GMPR: variants seen among roughly 807,000 people sequenced by gnomAD.
The protein encoded by GMPR is GMP reductase 1.
A neutral mutation model predicts 38.4 loss-of-function variants in GMPR; 31 were observed. The observed-to-expected ratio is 0.81, with a 90% CI of 0.61 to 1.09. GMPR has a LOEUF of 1.09. GMPR is among the 50% of genes least tolerant of loss of function. The pLI, the probability that GMPR is intolerant of heterozygous loss-of-function variation, is 0.00. For synonymous variants in GMPR, 162 were observed against 173.3 expected (o/e 0.93, Z 0.51); for missense variants, 468 against 453.7 (o/e 1.03, Z -0.29).
At chr6:16,263,630 G>C (rs187540944) in intron 4 of GMPR, among the ~76,000 whole-genome samples, 6 of 151,450 alleles carry the variant, frequency 4.0e-5, no homozygotes, top group Admixed American at 1.3e-4. Context: ...ATAAGAGGTC[G>C]GGGCACGGAA....
At chr6:16,239,524 G>A (rs1201471482) in intron 1 of GMPR, among the ~76,000 whole-genome samples, 1 of 152,246 alleles carries the variant, frequency 6.6e-6, no homozygotes, top group Non-Finnish European at 1.5e-5. Flanking sequence ...GTCCCTGAAG[G>A]ATAAACTAGT....
intron 4 of GMPR, among the ~76,000 whole-genome samples, chr6:16,256,408 T>C (rs1387054898): frequency 5.5e-5 from 8 of 146,170 alleles, no homozygotes; most frequent in Admixed American, 4.8e-4. Context: ...CAGATGACTG[T>C]AATCCCAGCT....
intron 4 of GMPR, among the ~76,000 whole-genome samples, chr6:16,269,452 G>C (rs566872974): frequency 6.6e-6 from 1 of 152,248 alleles, no homozygotes; most frequent in African/African-American, 2.4e-5. Flanking sequence ...CATCAGTTCT[G>C]TTCAGGCTGC....
intron 6 of GMPR, among the ~76,000 whole-genome samples, chr6:16,284,755 C>G (rs1581664904): frequency 6.6e-6 from 1 of 152,208 alleles, no homozygotes; most frequent in East Asian, 1.9e-4. Context: ...CGCGGTGGTG[C>G]ACGCCTGTAA....
rs756597545 is a variant in GMPR at position 16,290,582 on chromosome 6, C to T, written c.818C>T (p.Thr273Ile). 1.1e-5 allele frequency: 17 copies of T among 1,614,036 alleles called. No individual in the cohort carries two copies. Among genetic ancestry groups the T allele is most frequent in the Non-Finnish European group, 1.4e-5 (17 of 1,180,028 alleles). ...CTCTTCTACGGGATGAGCTCTGACA[C>T]CGCCATGAACAAGCACGCAGGAGGA... The part of the protein sequence containing the change: ...LKLFYGMSSD[T>I]AMNKHAGGVA... The change falls in exon 8 of 9, where the codon ACC becomes ATC. Residue 273 changes from threonine (T) to isoleucine (I), a missense_variant. Physicochemically the swap from Thr to Ile is moderately conservative, Grantham distance 89. Coordinates refer to ENST00000259727, the MANE Select transcript of GMPR (RefSeq NM_006877.4).
chr6:16,260,827 A>G (rs1224769370), intron 4 of GMPR, among the ~76,000 whole-genome samples: 1 of 151,930 alleles, frequency 6.6e-6, no homozygotes, highest in African/African-American at 2.4e-5. Context: ...TCAGAGAGAT[A>G]CAGTCATGGG....
At chr6:16,279,205 G>T (rs1043935997) in intron 6 of GMPR, among the ~76,000 whole-genome samples, 2 of 152,146 alleles carry the variant, frequency 1.3e-5, no homozygotes, top group Non-Finnish European at 2.9e-5. Context: ...ACAGACTGGG[G>T]GCTTCAATTT....
In GMPR at chr6:16,295,251, C is replaced by G. The variant is rs77813716; in HGVS notation, c.*65C>G. 8,721 of 1,230,640 alleles carry G rather than the reference C, an allele frequency of 7.1e-3. 439 individuals carry two copies. In the African/African-American group the frequency reaches 0.12, roughly 16 times the overall value. 76.2% of individuals were successfully genotyped at this position (1,230,640 alleles called of 1,614,324 possible). A position where few individuals can be genotyped will look rare whatever the true frequency, so the allele number is the denominator to read the frequency against. The stretch of plus-strand genomic sequence containing the variant: ...CCAAACCTGCTTTTCCCATCTCCCC[C>G]CAAGTCTGTTCCGTCAGAGCTTCTG... On this transcript the variant is annotated 3_prime_UTR_variant, in exon 9 of 9. Transcript: ENST00000259727.
At chr6:16,294,544 A>G (rs953705771) in intron 8 of GMPR, among the ~76,000 whole-genome samples, 18 of 152,064 alleles carry the variant, frequency 1.2e-4, no homozygotes, top group Non-Finnish European at 2.2e-4. Flanking sequence ...ACGTAGGAGG[A>G]CAGGAGGCTG....
intron 6 of GMPR, among the ~76,000 whole-genome samples, chr6:16,283,533 C>A (rs1649719722): frequency 6.6e-6 from 1 of 152,186 alleles, no homozygotes; most frequent in African/African-American, 2.4e-5. Context: ...CTACGCTGAC[C>A]ATTTCACAAG....
At chr6:16,290,161 T>G in intron 7 of GMPR, 1 of 286,008 alleles carries the variant, frequency 3.5e-6, no homozygotes, top group Non-Finnish European at 6.7e-6. Flanking sequence ...CTAAGAGAGT[T>G]AGATCTGAGG....
chr6:16,250,241 C>G (rs762328562), intron 2 of GMPR, 43 bp from the exon 3 acceptor site: 3 of 1,056,104 alleles, frequency 2.8e-6, no homozygotes, highest in Non-Finnish European at 4.5e-6. Flanking sequence ...GAGGGGGGCT[C>G]TCACTTGGCT....
chr6:16,256,658 T>A (rs989810773), intron 4 of GMPR, among the ~76,000 whole-genome samples: 1 of 152,170 alleles, frequency 6.6e-6, no homozygotes, highest in Non-Finnish European at 1.5e-5. Flanking sequence ...TTGCTTTTGA[T>A]AATGATGTTT....
intron 6 of GMPR, among the ~76,000 whole-genome samples, chr6:16,280,445 G>A (rs1483889828): frequency 6.6e-6 from 1 of 152,104 alleles, no homozygotes; most frequent in Non-Finnish European, 1.5e-5. Flanking sequence ...ATGGTCAAAG[G>A]TTTATTGGTT....
rs752803720 is a variant in GMPR, at chr6:16,250,380, C to G, written c.291+13C>G. ...AGAATGCCTGCAGGTACGACTACAG[C>G]CTGGTTATCAATTACCAGTGCTGCA... On this transcript the variant is annotated intron_variant, in intron 3 of 8. Transcript: ENST00000259727. The G allele has an allele frequency of 6.6e-7, 1 of 1,513,898 alleles. No homozygotes were observed. The highest frequency in any genetic ancestry group is 9.2e-7 in the Non-Finnish European group (1 of 1,088,426). 93.8% of individuals were successfully genotyped at this position (1,513,898 alleles called of 1,614,324 possible). A position where few individuals can be genotyped will look rare whatever the true frequency, so the allele number is the denominator to read the frequency against.
chr6:16,256,706 T>C (rs1758986629), intron 4 of GMPR, among the ~76,000 whole-genome samples: 1 of 152,160 alleles, frequency 6.6e-6, no homozygotes, highest in Non-Finnish European at 1.5e-5. Context: ...GTATATGTGT[T>C]TATTGGTCTC....
At chr6:16,254,492 T>C in intron 3 of GMPR, 70 bp from the exon 4 acceptor site, 3 of 1,352,538 alleles carry the variant, frequency 2.2e-6, no homozygotes, top group Non-Finnish European at 3.2e-6. Flanking sequence ...AATAGGTGCA[T>C]AAATGGGGGC....
chr6:16,274,562 G>T, intron 5 of GMPR, 66 bp downstream of exon 5: 1 of 881,342 alleles, frequency 1.1e-6, no homozygotes, highest in Non-Finnish European at 1.9e-6. Context: ...GGCTTGCGGG[G>T]ACTGCAGATC....
At chr6:16,294,647 G>A (rs1218887053) in intron 8 of GMPR, among the ~76,000 whole-genome samples, 1 of 152,172 alleles carries the variant, frequency 6.6e-6, no homozygotes, top group Non-Finnish European at 1.5e-5. Context: ...AGAATAGAAA[G>A]GTAAAGGTGG....
Sources: allele counts gnomAD v4.1 joint callset (sites outside exome capture counted in the v4.1 genomes callset), GRCh38; gene constraint gnomAD v4.1.1; transcripts MANE v1.5; gene names NCBI Gene and HGNC (gene_info 2026-07-23, HGNC 2026-07-21).